The following SORL1-AS1 variants were observed in gnomAD, a reference collection of about 807,000 sequenced individuals.
SORL1-AS1 encodes SORL1 antisense RNA 1.
Position 121,452,927 on chromosome 11 carries a change from A to T in SORL1-AS1, n.87T>A, listed in dbSNP as rs1000940902. Reference sequence around the variant, plus strand: ...GGGTGCAGCTTCATTTTACATCTGGATAAAAAACGGGCTTTCTTTAGTGTA... The same window carrying T: ...GGGTGCAGCTTCATTTTACATCTGGTTAAAAAACGGGCTTTCTTTAGTGTA... On this transcript the variant is annotated non_coding_transcript_exon_variant, in exon 1 of 2. Transcript: ENST00000501964. The surrounding 1 kb of genome is among the most constrained non-coding windows in gnomAD (Gnocchi z 5.3). 6.5e-6 allele frequency: 2 copies of T among 307,468 alleles called. No homozygotes were observed. The highest frequency in any genetic ancestry group is 4.3e-5 in the African/African-American group (2 of 46,536). 19.0% of individuals were successfully genotyped at this position (307,468 alleles called of 1,614,324 possible).
chr11:121,446,144 T>A (rs1322635213), downstream of SORL1-AS1, among the ~76,000 whole-genome samples: 1 of 152,190 alleles, frequency 6.6e-6, no homozygotes, highest in African/African-American at 2.4e-5. Flanking sequence ...CCCTTCACTT[T>A]TACTTCAATT....
Position 121,452,491 on chromosome 11 carries a change from G to A in SORL1-AS1, n.339+184C>T. On this transcript the variant is annotated intron_variant and non_coding_transcript_variant, in intron 1 of 1. Coordinates refer to ENST00000501964, the Ensembl canonical transcript of SORL1-AS1. This position sits in a 1 kb window ranked among gnomAD's most constrained non-coding sequence, Gnocchi z 5.3. ...CCGGGGCTTCCTCGTGGTGCAGGGC[G>A]ACCCGCGCGAGCTGCGGCTGTGGGC... 6.7e-7 allele frequency: 1 copy of A among 1,485,486 alleles called. No homozygotes were observed. Among genetic ancestry groups the A allele is most frequent in the South Asian group, 1.3e-5 (1 of 78,386 alleles). 92.0% of individuals were successfully genotyped at this position (1,485,486 alleles called of 1,614,324 possible).
At chr11:121,439,509 AGC>A in the SORL1-AS1 span, among the ~76,000 whole-genome samples, 33 of 151,996 alleles carry the variant, frequency 2.2e-4, no homozygotes, top group Non-Finnish European at 4.3e-4. Flanking sequence ...TCCACTTTGG[AGC>A]CAGACACCCA....
chr11:121,441,649 T>A, the SORL1-AS1 span, among the ~76,000 whole-genome samples: 2 of 152,094 alleles, frequency 1.3e-5, no homozygotes, highest in African/African-American at 4.8e-5. Context: ...GTGTATGCAC[T>A]GGCTTGTGCC....
At position 121,452,205 on chromosome 11, in the gene SORL1-AS1, C is replaced by G; in HGVS notation, n.339+470G>C. 9.6e-6 allele frequency: 5 copies of G among 519,384 alleles called. No homozygotes were observed. The highest frequency in any genetic ancestry group is 1.0e-5 in the Non-Finnish European group (4 of 394,044). 32.2% of individuals were successfully genotyped at this position (519,384 alleles called of 1,614,324 possible). A position where few individuals can be genotyped will look rare whatever the true frequency, so the allele number is the denominator to read the frequency against. On this transcript the variant is annotated intron_variant and non_coding_transcript_variant, in intron 1 of 1. Transcript: ENST00000501964. The surrounding 1 kb of genome is among the most constrained non-coding windows in gnomAD (Gnocchi z 5.3). Reference sequence around the variant, plus strand: ...CGGCGGCGGGCGCAGCGGGGCGGCCCGGAGCGGCGCGGGCGGCCTGGAGCC... The same window carrying G: ...CGGCGGCGGGCGCAGCGGGGCGGCCGGGAGCGGCGCGGGCGGCCTGGAGCC...
In SORL1-AS1 at chr11:121,452,041, C is replaced by T. The variant is rs1016176036; in HGVS notation, n.339+634G>A. Among the ~76,000 whole-genome samples the T allele has an allele frequency of 3.3e-5, 5 of 152,312 alleles. No individual in the cohort carries two copies. The highest frequency in any genetic ancestry group is 5.9e-5 in the Non-Finnish European group (4 of 68,006). On this transcript the variant is annotated intron_variant and non_coding_transcript_variant, in intron 1 of 1. Transcript: ENST00000501964. This position sits in a 1 kb window ranked among gnomAD's most constrained non-coding sequence, Gnocchi z 5.3. ...ACGCACCCCCACCGGCGCTCGCTGCCTTAACTTCCCCATCCCCGCGCCAGG... is the reference window on the plus strand; with the variant it reads ...ACGCACCCCCACCGGCGCTCGCTGCTTTAACTTCCCCATCCCCGCGCCAGG...
chr11:121,444,592 T>A (rs1276305859), downstream of SORL1-AS1, among the ~76,000 whole-genome samples: 1 of 152,164 alleles, frequency 6.6e-6, no homozygotes. Flanking sequence ...TTTAGGTGAT[T>A]AAATGATCTG....
Position 121,451,229 on chromosome 11 carries a change from C to T in SORL1-AS1, n.340-1330G>A, listed in dbSNP as rs774942633. On this transcript the variant is annotated intron_variant and non_coding_transcript_variant, in intron 1 of 1. Coordinates refer to ENST00000501964, the Ensembl canonical transcript of SORL1-AS1. ...AGGAAAGGTTGCAGTAGTACATAGA[C>T]TTTGGCTGCTCCCACTAACCTGCAA... Among the ~76,000 whole-genome samples, 3 of 152,298 alleles carry T rather than the reference C, an allele frequency of 2.0e-5. No homozygotes were observed. In the East Asian group the frequency reaches 5.8e-4, roughly 29 times the overall value.
chr11:121,442,736 T>C (rs1177973743), downstream of SORL1-AS1, among the ~76,000 whole-genome samples: 1 of 149,290 alleles, frequency 6.7e-6, no homozygotes, highest in African/African-American at 2.5e-5. Flanking sequence ...TGGAGTGCAG[T>C]GGCGTGATCT....
At chr11:121,445,249 C>T (rs955371018), downstream of SORL1-AS1, among the ~76,000 whole-genome samples, 2 of 152,214 alleles carry the variant, frequency 1.3e-5, no homozygotes, top group Non-Finnish European at 2.9e-5. Context: ...TGATCTGTCG[C>T]ACCCTCTGGG....
chr11:121,445,800 A>G (rs576160986), downstream of SORL1-AS1, among the ~76,000 whole-genome samples: 23 of 151,998 alleles, frequency 1.5e-4, no homozygotes, highest in South Asian at 4.2e-3. Flanking sequence ...TTGTATTTAC[A>G]TATTTCTGCT....
chr11:121,441,894 AACTAATCC>A, the SORL1-AS1 span, among the ~76,000 whole-genome samples: 2 of 152,180 alleles, frequency 1.3e-5, no homozygotes, highest in African/African-American at 4.8e-5. Flanking sequence ...GTTTTATCCC[AACTAATCC>A]ACTGATCCTA....
the SORL1-AS1 span, among the ~76,000 whole-genome samples, chr11:121,439,643 T>G: frequency 2.0e-5 from 3 of 152,060 alleles, no homozygotes; most frequent in Admixed American, 6.5e-5. Context: ...TTTGAGAATC[T>G]GAGAGAGCAC....
the SORL1-AS1 span, among the ~76,000 whole-genome samples, chr11:121,441,523 T>C: frequency 1.3e-5 from 1 of 79,138 alleles, no homozygotes; most frequent in Non-Finnish European, 2.3e-5. Flanking sequence ...AGAGCGAGAC[T>C]CTGTCTCAAA....
chr11:121,452,746 T>G lies in SORL1-AS1; in HGVS notation n.268A>C. 1.2e-6 allele frequency: 1 copy of G among 803,296 alleles called. No homozygotes were observed. Among genetic ancestry groups the G allele is most frequent in the Non-Finnish European group, 1.8e-6 (1 of 559,620 alleles). The allele number at this position is 803,296 out of a possible 1,614,324, so 49.8% of individuals were successfully genotyped here. A position where few individuals can be genotyped will look rare whatever the true frequency, so the allele number is the denominator to read the frequency against. On this transcript the variant is annotated non_coding_transcript_exon_variant, in exon 1 of 2. Transcript: ENST00000501964. This position sits in a 1 kb window ranked among gnomAD's most constrained non-coding sequence, Gnocchi z 5.3. ...GGGGACTTCCCGGCTTGCATTTGTT[T>G]TTTTCCTTCACGAGTACAACCGTCA... is the stretch of plus-strand genomic sequence containing the variant.
the SORL1-AS1 span, among the ~76,000 whole-genome samples, chr11:121,438,919 G>T: frequency 6.6e-6 from 1 of 152,180 alleles, no homozygotes; most frequent in Non-Finnish European, 1.5e-5. Context: ...CCAGCTACCT[G>T]GGAGGCTGAG....
chr11:121,448,190 A>G (rs1460441705), exon 2 of SORL1-AS1: 1 of 152,188 alleles, frequency 6.6e-6, no homozygotes, highest in Non-Finnish European at 1.5e-5. Context: ...TGCAAATGTA[A>G]ATCACTGCTA....
exon 2 of SORL1-AS1, chr11:121,448,476 C>T (rs1479972227): frequency 6.6e-6 from 1 of 152,100 alleles, no homozygotes; most frequent in African/African-American, 2.4e-5. Flanking sequence ...CAATGTTTAC[C>T]ATCCTAAGGG....
intron 1 of SORL1-AS1, among the ~76,000 whole-genome samples, chr11:121,451,271 G>C (rs1455678779): frequency 6.6e-6 from 1 of 152,162 alleles, no homozygotes; most frequent in African/African-American, 2.4e-5. Flanking sequence ...TATTTTCCTT[G>C]GGCGTACCTT....
Sources: allele counts gnomAD v4.1 joint callset (sites outside exome capture counted in the v4.1 genomes callset), GRCh38; gene constraint gnomAD v4.1.1; non-coding constraint Gnocchi (gnomAD v3.1); transcripts MANE v1.5; gene names NCBI Gene and HGNC (gene_info 2026-07-23, HGNC 2026-07-21).